ZFHX3: variants seen among roughly 807,000 people sequenced by gnomAD.
The protein encoded by ZFHX3 is zinc finger homeobox 3, also known as zinc finger homeobox protein 3.
Under a neutral mutation model 279.1 loss-of-function variants are expected in ZFHX3, and 42 were observed. The ratio of observed to expected loss-of-function variants is 0.15; its 90% CI spans 0.12 to 0.19. The LOEUF (loss-of-function observed/expected upper bound fraction) is 0.19. Among genes scored for constraint, ZFHX3 ranks in the 10% least tolerant of loss-of-function variants. The pLI, the probability that ZFHX3 is intolerant of heterozygous loss-of-function variation, is 1.00. For synonymous variants in ZFHX3, 2,293 were observed against 1,957.8 expected (o/e 1.17, Z -4.52); for missense variants, 4,981 against 4,754.0 (o/e 1.05, Z -1.40).
chr16:72,829,606 G>A, intron 5 of ZFHX3, 173 bp downstream of exon 5: 1 of 640,118 alleles, frequency 1.6e-6, no homozygotes. Flanking sequence ...AAGAATAAAG[G>A]TGACTGCTCA....
In ZFHX3 at chr16:73,689,803, GTTTTTTGTTTT is replaced by G. The variant is rs2053128473; in HGVS notation, c.-1607-9574_-1607-9564del. ...GCTTACCCAGCTCTGAGGACATACA[GTTTTTTGTTTT>G]TTGTTTTTTTTGTTGTTGTTGTTTT... On this transcript the variant is annotated intron_variant, in intron 1 of 17. Transcript: ENST00000641206. 1.0e-3 allele frequency among the ~76,000 whole-genome samples: 155 copies of G among 148,712 alleles called. 2 individuals are homozygous for G. The highest frequency in any genetic ancestry group is 3.3e-3 in the African/African-American group (132 of 40,300).
chr16:73,865,914 G>A (rs898903594), intron 1 of ZFHX3, among the ~76,000 whole-genome samples: 4 of 152,080 alleles, frequency 2.6e-5, no homozygotes, highest in African/African-American at 9.7e-5. Context: ...GAACCCGGGA[G>A]GCAGAGCTTG....
intron 3 of ZFHX3, among the ~76,000 whole-genome samples, chr16:73,337,158 C>T (rs769272303): frequency 1.2e-4 from 19 of 152,212 alleles, no homozygotes; most frequent in African/African-American, 4.6e-4. Flanking sequence ...TTTCAATCAT[C>T]CATATGTTCC....
intron 3 of ZFHX3, among the ~76,000 whole-genome samples, chr16:72,905,803 C>T (rs959628279): frequency 1.4e-4 from 22 of 152,224 alleles, no homozygotes; most frequent in African/African-American, 4.8e-4. Flanking sequence ...TCTACAGCTC[C>T]GATGAGTCAG....
chr16:73,638,619 A>C (rs1039215692), intron 2 of ZFHX3, among the ~76,000 whole-genome samples: 1 of 152,168 alleles, frequency 6.6e-6, no homozygotes, highest in Non-Finnish European at 1.5e-5. Context: ...AACATATGCT[A>C]AACAAACAAA....
At chr16:73,665,405 GGTTCCACC>G (rs1382999670) in intron 2 of ZFHX3, among the ~76,000 whole-genome samples, 3 of 151,756 alleles carry the variant, frequency 2.0e-5, no homozygotes, top group African/African-American at 7.3e-5. Context: ...GTAGAGACGG[GGTTCCACC>G]ATGTTGGCCA....
chr16:73,298,209 A>C (rs1036930812), intron 4 of ZFHX3, among the ~76,000 whole-genome samples: 6 of 150,040 alleles, frequency 4.0e-5, no homozygotes, highest in African/African-American at 1.0e-4. Flanking sequence ...ACAACAACAA[A>C]AATCAGAATT....
chr16:73,212,689 A>G (rs1261863479), intron 5 of ZFHX3, among the ~76,000 whole-genome samples: 1 of 152,202 alleles, frequency 6.6e-6, no homozygotes, highest in Non-Finnish European at 1.5e-5. Flanking sequence ...GTTTACCTCA[A>G]TATACTCCAC....
intron 5 of ZFHX3, among the ~76,000 whole-genome samples, chr16:73,154,436 C>T (rs1685033724): frequency 6.6e-6 from 1 of 152,194 alleles, no homozygotes; most frequent in Non-Finnish European, 1.5e-5. Flanking sequence ...CACTCCCTGT[C>T]TGCAATAACC....
chr16:73,861,265 T>A (rs1377793289), intron 1 of ZFHX3, among the ~76,000 whole-genome samples: 1 of 152,160 alleles, frequency 6.6e-6, no homozygotes, highest in African/African-American at 2.4e-5. Context: ...AAGTCCAGCA[T>A]GTTTTATGCA....
At chr16:72,940,985 T>C (rs1263578583) in intron 3 of ZFHX3, among the ~76,000 whole-genome samples, 1 of 152,242 alleles carries the variant, frequency 6.6e-6, no homozygotes, top group Admixed American at 6.5e-5. Flanking sequence ...CCACGCACTG[T>C]GAGCAATGCT....
chr16:73,115,498 C>T (rs984402078), intron 7 of ZFHX3, among the ~76,000 whole-genome samples: 2 of 151,928 alleles, frequency 1.3e-5, no homozygotes, highest in Non-Finnish European at 2.9e-5. Context: ...TGCAGTGAAC[C>T]GGGATCATGC....
At chr16:73,066,266 C>T (rs1426281520) in intron 8 of ZFHX3, among the ~76,000 whole-genome samples, 4 of 152,322 alleles carry the variant, frequency 2.6e-5, no homozygotes, top group African/African-American at 2.4e-5. Context: ...TTCCGTCCCT[C>T]TGCGCTGGAT....
chr16:73,810,032 T>G (rs962089907), intron 1 of ZFHX3, among the ~76,000 whole-genome samples: 39 of 152,166 alleles, frequency 2.6e-4, no homozygotes, highest in African/African-American at 9.2e-4. Context: ...ATCTAGAATG[T>G]GAACGTTGGT....
intron 3 of ZFHX3, among the ~76,000 whole-genome samples, chr16:73,427,445 G>A (rs953584036): frequency 7.2e-5 from 11 of 152,080 alleles, no homozygotes; most frequent in Admixed American, 2.0e-4. Context: ...GCTCGCTAAC[G>A]GCAGCAGTAC....
intron 3 of ZFHX3, among the ~76,000 whole-genome samples, chr16:72,895,240 A>G (rs2038871181): frequency 1.3e-5 from 2 of 152,218 alleles, no homozygotes; most frequent in Non-Finnish European, 2.9e-5. Context: ...GGAAGGGTAT[A>G]ATGAGGGCAT....
chr16:73,089,383 G>A (rs1001510153), intron 8 of ZFHX3, among the ~76,000 whole-genome samples: 4 of 152,188 alleles, frequency 2.6e-5, no homozygotes, highest in African/African-American at 4.8e-5. Context: ...GATTACAGGC[G>A]TGAGCCGCTG....
intron 1 of ZFHX3, among the ~76,000 whole-genome samples, chr16:72,993,822 C>T (rs1597066714): frequency 1.3e-5 from 2 of 152,194 alleles, no homozygotes; most frequent in East Asian, 3.9e-4. Flanking sequence ...TGAATTACAC[C>T]CTAGACGTCT....
intron 2 of ZFHX3, among the ~76,000 whole-genome samples, chr16:73,512,760 C>T (rs572083865): frequency 1.3e-5 from 2 of 152,264 alleles, no homozygotes; most frequent in South Asian, 4.1e-4. Flanking sequence ...TTTTGCTTTG[C>T]ATTCAGGAAA....
Sources: allele counts gnomAD v4.1 joint callset (sites outside exome capture counted in the v4.1 genomes callset), GRCh38; gene constraint gnomAD v4.1.1; transcripts MANE v1.5; gene names NCBI Gene and HGNC (gene_info 2026-07-23, HGNC 2026-07-21).